WNK1: variants seen among roughly 807,000 people sequenced by gnomAD.
The protein encoded by WNK1 is WNK lysine deficient protein kinase 1, also known as serine/threonine-protein kinase WNK1.
A neutral mutation model predicts 222.8 loss-of-function variants in WNK1; 38 were observed. The observed-to-expected ratio is 0.17, with a 90% CI of 0.13 to 0.22. The LOEUF (loss-of-function observed/expected upper bound fraction) is 0.22. Ranked by LOEUF, WNK1 falls within the 10% of genes least tolerant of loss-of-function variation. The pLI, the probability that WNK1 is intolerant of heterozygous loss-of-function variation, is 1.00. For synonymous variants in WNK1, 1,090 were observed against 1,092.9 expected (o/e 1.00, Z 0.05); for missense variants, 2,348 against 2,918.4 (o/e 0.80, Z 4.50).
At chr12:857,330 G>T in intron 5 of WNK1, 81 bp downstream of exon 5, 4 of 1,213,820 alleles carry the variant, frequency 3.3e-6, no homozygotes, top group Non-Finnish European at 4.9e-6. Context: ...CACATTCTAC[G>T]GTGTATTTAA....
At chr12:871,121 AG>A in intron 8 of WNK1, 143 bp from the exon 9 acceptor site, 1 of 758,690 alleles carries the variant, frequency 1.3e-6, no homozygotes, top group East Asian at 2.7e-5. Flanking sequence ...GTTGACCCAG[AG>A]GCCTCTCCCA....
intron 2 of WNK1, among the ~76,000 whole-genome samples, chr12:823,926 A>AT (rs1214990498): frequency 2.5e-5 from 3 of 117,868 alleles, no homozygotes; most frequent in African/African-American, 3.3e-5. Flanking sequence ...TTTTTTGGAG[A>AT]TGGAGTCTCG....
intron 1 of WNK1, among the ~76,000 whole-genome samples, chr12:767,334 C>G (rs1261942413): frequency 3.5e-5 from 5 of 143,272 alleles, no homozygotes; most frequent in Non-Finnish European, 6.0e-5. Context: ...CTCACTGCAA[C>G]CTACGCCTCC....
Position 862,153 on chromosome 12 carries a change from A to G in WNK1, c.2022A>G (p.Thr674=), listed in dbSNP as rs1281520799. 2 of 1,614,118 alleles carry G rather than the reference A, an allele frequency of 1.2e-6. No homozygotes were observed. The part of the protein sequence containing the change: ...FTESRVSSQQ[T]VSYGSQHEQA... The stretch of plus-strand genomic sequence containing the variant: ...AATCTCGAGTGAGCAGCCAACAGAC[A>G]GTTTCATATGGTTCCCAACATGAAC... The change falls in exon 8 of 28, where the codon ACA becomes ACG. Residue 674 remains threonine (T), a synonymous_variant. Transcript: ENST00000315939.
intron 2 of WNK1, among the ~76,000 whole-genome samples, chr12:815,068 G>C (rs1055444557): frequency 6.6e-6 from 1 of 152,178 alleles, no homozygotes; most frequent in Non-Finnish European, 1.5e-5. Context: ...GGTAATGCGA[G>C]CAGTGAGGGA....
At chr12:854,635 A>G (rs1248549702) in intron 4 of WNK1, among the ~76,000 whole-genome samples, 1 of 152,140 alleles carries the variant, frequency 6.6e-6, no homozygotes, top group Admixed American at 6.5e-5. Flanking sequence ...GGTGTGAGCC[A>G]CCATGCCTGG....
intron 4 of WNK1, among the ~76,000 whole-genome samples, chr12:842,459 C>A (rs1949698632): frequency 6.6e-6 from 1 of 152,082 alleles, no homozygotes; most frequent in African/African-American, 2.4e-5. Flanking sequence ...TAACTCTTTC[C>A]ATTATGGGGC....
chr12:773,661 A>C (rs79269140), intron 1 of WNK1, among the ~76,000 whole-genome samples: 2,060 of 152,218 alleles, frequency 0.014, 44 homozygotes, highest in African/African-American at 0.045. Flanking sequence ...TGTTTATTGT[A>C]CTCCTATGTG....
intron 1 of WNK1, among the ~76,000 whole-genome samples, chr12:755,481 G>A (rs774968083): frequency 6.6e-6 from 1 of 152,172 alleles, no homozygotes; most frequent in Non-Finnish European, 1.5e-5. Context: ...GCATGTGGAA[G>A]TAAACTTAAA....
Position 896,293 on chromosome 12 carries a change from G to A in WNK1, c.5806G>A (p.Asp1936Asn). 1 of 1,614,202 alleles carries A rather than the reference G, an allele frequency of 6.2e-7. No individual in the cohort carries two copies. Among genetic ancestry groups the A allele is most frequent in the African/African-American group, 1.3e-5 (1 of 75,038 alleles). ...HKTTASEAKS[D>N]TGQPTKVGRF... ...AACTACTGCCTCAGAGGCAAAGTCA[G>A]ACACTGGGCAGCCTACCAAGGTTGG... The change falls in exon 24 of 28, where the codon GAC becomes AAC. Residue 1936 changes from aspartate to asparagine, a missense_variant. Physicochemically the swap from Asp to Asn is conservative, Grantham distance 23. Transcript: ENST00000315939.
chr12:754,667 A>G (rs7972667), intron 1 of WNK1, among the ~76,000 whole-genome samples: 95,573 of 151,986 alleles, frequency 0.63, 31,066 homozygotes, highest in East Asian at 0.88. Context: ...GTGCATTTCA[A>G]TCTCATCAAA....
chr12:807,341 C>G (rs1278772568), intron 1 of WNK1, among the ~76,000 whole-genome samples: 1 of 139,430 alleles, frequency 7.2e-6, no homozygotes, highest in Non-Finnish European at 1.5e-5. Context: ...CCCTCTTTTG[C>G]TTTTATTTCT....
intron 1 of WNK1, among the ~76,000 whole-genome samples, chr12:804,249 G>T (rs1946143376): frequency 6.6e-6 from 1 of 152,106 alleles, no homozygotes; most frequent in Admixed American, 6.6e-5. Flanking sequence ...TCAAAATCAA[G>T]TAATGTTCAG....
rs1951283955 is a variant in WNK1, at chr12:862,362, A to G, written c.2139+92A>G. 4 of 1,342,574 alleles carry G rather than the reference A, an allele frequency of 3.0e-6. No homozygotes were observed. In the Admixed American group the frequency reaches 5.6e-5, roughly 19 times the overall value. 83.2% of individuals were successfully genotyped at this position (1,342,574 alleles called of 1,614,324 possible). On this transcript the variant is annotated intron_variant, in intron 8 of 27. Coordinates refer to ENST00000315939, the MANE Select transcript of WNK1 (RefSeq NM_018979.4). ...TTCTTTGTACAAACCAAGTAACAGT[A>G]TGAGTCTGAAGTAGAAAATATAAAA...
At chr12:851,362 CT>C in intron 4 of WNK1, 1 of 1,053,282 alleles carries the variant, frequency 9.5e-7, no homozygotes, top group Non-Finnish European at 1.2e-6. Context: ...GAGATAGAAA[CT>C]GTGCGCAAAG....
At chr12:860,907 C>T in intron 6 of WNK1, 106 bp from the exon 7 acceptor site, 1 of 1,006,888 alleles carries the variant, frequency 9.9e-7, no homozygotes, top group Admixed American at 2.2e-5. Context: ...TCCTCCTCTT[C>T]TCTACTTTTT....
chr12:826,413 G>C (rs937763863), intron 2 of WNK1, among the ~76,000 whole-genome samples: 2 of 152,184 alleles, frequency 1.3e-5, no homozygotes, highest in Non-Finnish European at 2.9e-5. Flanking sequence ...GGGTTTAGCA[G>C]ACCTGCAGAA....
chr12:776,358 G>T (rs1943080562), intron 1 of WNK1, among the ~76,000 whole-genome samples: 1 of 150,760 alleles, frequency 6.6e-6, no homozygotes, highest in African/African-American at 2.4e-5. Context: ...GCTGTTTGTT[G>T]TTACATTTTA....
rs1411637502 is a variant in WNK1, at chr12:897,643, GAAGCAGTTCCTTGGGGAATAA to G, written c.6415_6435del (p.Ser2139_Ser2145del). 1.9e-6 allele frequency: 3 copies of G among 1,614,088 alleles called. No individual in the cohort carries two copies. Among genetic ancestry groups the G allele is most frequent in the Non-Finnish European group, 1.7e-6 (2 of 1,180,046 alleles). Reference sequence around the variant, plus strand: ...AAAAGCAAAGGCAGCAAATCTAGTCGAAGCAGTTCCTTGGGGAATAAAAGCCCCCAGCTTTCAGGTAAAAAG... The same window carrying G: ...AAAAGCAAAGGCAGCAAATCTAGTCGAAGCCCCCAGCTTTCAGGTAAAAAG... On this transcript the variant is annotated inframe_deletion, in exon 25 of 28. Coordinates refer to ENST00000315939, the MANE Select transcript of WNK1 (RefSeq NM_018979.4).
Sources: allele counts gnomAD v4.1 joint callset (sites outside exome capture counted in the v4.1 genomes callset), GRCh38; gene constraint gnomAD v4.1.1; transcripts MANE v1.5; gene names NCBI Gene and HGNC (gene_info 2026-07-23, HGNC 2026-07-21).